Variants in RSRP1 observed in about 807,000 individuals in gnomAD.
RSRP1 encodes the protein arginine/serine-rich protein 1.
In RSRP1, 37 loss-of-function variants were observed where a neutral mutation model predicts 33.0. That is an observed-to-expected ratio of 1.12 (90% CI 0.86 to 1.48). The LOEUF (loss-of-function observed/expected upper bound fraction) is 1.48. Among genes scored for constraint, RSRP1 ranks in the 40% most tolerant of loss-of-function variants. RSRP1 has a pLI of 0.00. For synonymous variants in RSRP1, 167 were observed against 158.7 expected (o/e 1.05, Z -0.40); for missense variants, 402 against 385.3 (o/e 1.04, Z -0.36).
chr1:25,329,267 T>G, intron 1 of RSRP1: 1 of 477,712 alleles, frequency 2.1e-6, no homozygotes, highest in African/African-American at 2.3e-5. Context: ...TTTTTTGAGA[T>G]GTAGTCTTAC....
chr1:25,259,390 G>A (rs1232537266), intron 1 of RSRP1, among the ~76,000 whole-genome samples: 2 of 152,078 alleles, frequency 1.3e-5, no homozygotes, highest in Non-Finnish European at 2.9e-5. Flanking sequence ...ACTGTGCCCG[G>A]CCTTGTTTGC....
chr1:25,272,054 C>T (rs1264717336), intron 1 of RSRP1, among the ~76,000 whole-genome samples: 2 of 129,698 alleles, frequency 1.5e-5, no homozygotes, highest in East Asian at 3.9e-4. Context: ...TGCTTTCATT[C>T]ATTCTCATTC....
intron 1 of RSRP1, among the ~76,000 whole-genome samples, chr1:25,332,578 T>C (rs1174375827): frequency 7.6e-6 from 1 of 131,776 alleles, no homozygotes; most frequent in African/African-American, 2.6e-5. Flanking sequence ...GCGAACCATA[T>C]TACCTAATAA....
Position 25,293,364 on chromosome 1 carries a change from T to A in RSRP1, c.-67+44614A>T, listed in dbSNP as rs1184277111. Reference sequence around the variant, plus strand: ...GGACAGTTCATCTTTTTTTTTTTTTTATACAACATTTTATTTAAAAAAATT... The same window carrying A: ...GGACAGTTCATCTTTTTTTTTTTTTAATACAACATTTTATTTAAAAAAATT... On this transcript the variant is annotated intron_variant, in intron 1 of 1. Coordinates refer to the RSRP1 transcript ENST00000561867. 2.3e-5 allele frequency among the ~76,000 whole-genome samples: 3 copies of A among 130,148 alleles called. 1 individual carries two copies. The highest frequency in any genetic ancestry group is 5.2e-5 in the African/African-American group (2 of 38,252). 85.4% of individuals were successfully genotyped at this position (130,148 alleles called of 152,430 possible).
chr1:25,297,649 A>G (rs1379459295), intron 1 of RSRP1, among the ~76,000 whole-genome samples: 1 of 131,828 alleles, frequency 7.6e-6, no homozygotes, highest in Non-Finnish European at 1.8e-5. Flanking sequence ...GTACTTATTT[A>G]TATCACCATG....
chr1:25,330,052 G>A (rs1644967375), intron 1 of RSRP1: 1 of 132,728 alleles, frequency 7.5e-6, no homozygotes, highest in South Asian at 2.3e-4. Context: ...GAGACCAAGG[G>A]GAGAACCTGG....
intron 3 of RSRP1, chr1:25,243,937 AC>A: frequency 8.6e-7 from 1 of 1,167,658 alleles, no homozygotes; most frequent in Non-Finnish European, 1.1e-6. Context: ...ATCAGAAAAT[AC>A]GTTTTAAGAA....
chr1:25,246,101 G>T, intron 2 of RSRP1: 1 of 243,918 alleles, frequency 4.1e-6, no homozygotes, highest in East Asian at 8.3e-5. Flanking sequence ...CAGTAATAAT[G>T]TCAACTAAAA....
intron 1 of RSRP1, among the ~76,000 whole-genome samples, chr1:25,255,485 C>T (rs1188529184): frequency 6.6e-6 from 1 of 152,124 alleles, no homozygotes; most frequent in Non-Finnish European, 1.5e-5. Flanking sequence ...ATTTTTACAA[C>T]CAGTGAAATG....
intron 1 of RSRP1, among the ~76,000 whole-genome samples, chr1:25,331,033 T>C (rs1644995681): frequency 9.2e-6 from 1 of 108,884 alleles, no homozygotes; most frequent in African/African-American, 3.1e-5. Context: ...GCCCGATGGA[T>C]CTCGGCTCAC....
intron 1 of RSRP1, among the ~76,000 whole-genome samples, chr1:25,274,956 AAACAACAAAAAC>A (rs986562789): frequency 1.5e-5 from 2 of 132,098 alleles, no homozygotes; most frequent in African/African-American, 5.2e-5. Context: ...TCAAAAAACC[AAACAACAAAAAC>A]AACAACAAGA....
rs1464249954 is a variant in RSRP1 at position 25,246,439 on chromosome 1, C to A, written c.520+5G>T. On this transcript the variant is annotated splice_donor_5th_base_variant and intron_variant, in intron 2 of 4. Transcript: ENST00000243189. ...CACAAATGGAAAGGTAAATGACCCA[C>A]CCACCTTTTTCACTTAAGCGAAAGG... is the stretch of plus-strand genomic sequence containing the variant. 13 of 1,611,784 alleles carry A rather than the reference C, an allele frequency of 8.1e-6. No homozygotes were observed. The highest frequency in any genetic ancestry group is 1.7e-5 in the Admixed American group (1 of 59,966).
chr1:25,289,985 C>T (rs1642350623), intron 1 of RSRP1, among the ~76,000 whole-genome samples: 1 of 128,806 alleles, frequency 7.8e-6, no homozygotes, highest in African/African-American at 2.7e-5. Context: ...CTAGACACAC[C>T]GATAGGAAGA....
intron 1 of RSRP1, chr1:25,253,996 C>T (rs1310873501): frequency 6.6e-6 from 1 of 152,202 alleles, no homozygotes. Context: ...ATTTGTTGAT[C>T]TTAGATCAGA....
rs1355662717 is a variant in RSRP1 at position 25,293,999 on chromosome 1, C to A, written c.-67+43979G>T. On this transcript the variant is annotated intron_variant, in intron 1 of 1. Transcript: ENST00000561867. Reference sequence around the variant, plus strand: ...AACTTAGATATAATTCCTCTCAAACCTTTTCCTCAAAGATTAAATTCTGAA... The same window carrying A: ...AACTTAGATATAATTCCTCTCAAACATTTTCCTCAAAGATTAAATTCTGAA... 5.3e-5 allele frequency among the ~76,000 whole-genome samples: 7 copies of A among 131,938 alleles called. 1 individual carries two copies. Among genetic ancestry groups the A allele is most frequent in the African/African-American group, 1.8e-4 (7 of 38,194 alleles). The allele number at this position is 131,938 out of a possible 152,430, so 86.6% of individuals were successfully genotyped here. A position where few individuals can be genotyped will look rare whatever the true frequency, so the allele number is the denominator to read the frequency against.
In RSRP1 at chr1:25,329,740, G is replaced by A. The variant is rs181689405; in HGVS notation, c.-67+8238C>T. ...GCAATCTCGGCTCACTGCAACCTCC[G>A]CCTCCCAGGTTCAAGCAATTCTCCT... On this transcript the variant is annotated intron_variant, in intron 1 of 1. Transcript: ENST00000561867. 974 of 128,426 alleles carry A rather than the reference G, an allele frequency of 7.6e-3. 229 individuals carry two copies. The highest frequency in any genetic ancestry group is 0.013 in the Non-Finnish European group (723 of 54,378). 8.0% of individuals were successfully genotyped at this position (128,426 alleles called of 1,614,324 possible).
In RSRP1 at chr1:25,246,799, G is replaced by C. The variant is rs1317743732; in HGVS notation, c.165C>G (p.Ser55=). The change falls in exon 2 of 5, where the codon TCC becomes TCG. Residue 55 remains serine (S), a synonymous_variant. Coordinates refer to ENST00000243189, the MANE Select transcript of RSRP1 (RefSeq NM_020317.5). ...ACCTGGACTTGCTCCTCCGACTCCT[G>C]GACGAAAACCGGCTCGAGACGCGGG... ...SHSRVSSRFS[S]RSRRSKSRSR... The C allele has an allele frequency of 1.9e-6, 3 of 1,613,592 alleles. No individual in the cohort carries two copies. The highest frequency in any genetic ancestry group is 2.5e-6 in the Non-Finnish European group (3 of 1,179,770).
chr1:25,258,203 CAG>C lies in RSRP1; in HGVS notation c.-66-11176_-66-11175del, dbSNP rs568655059. Among the ~76,000 whole-genome samples, 118 of 152,000 alleles carry C rather than the reference CAG, an allele frequency of 7.8e-4. 1 individual carries two copies. Among genetic ancestry groups the C allele is most frequent in the Non-Finnish European group, 1.0e-3 (69 of 68,034 alleles). ...TCATTATTTATTTATTTATTTGAGA[CAG>C]AGTCTCGATCTGTTGCCCAAGCTGG... On this transcript the variant is annotated intron_variant, in intron 1 of 1. Transcript: ENST00000561867.
At chr1:25,279,738 C>G (rs1571584797) in intron 1 of RSRP1, among the ~76,000 whole-genome samples, 1 of 126,506 alleles carries the variant, frequency 7.9e-6, no homozygotes, top group South Asian at 2.4e-4. Context: ...GCTGAACTAC[C>G]AGGTTAGACT....
Sources: allele counts gnomAD v4.1 joint callset (sites outside exome capture counted in the v4.1 genomes callset), GRCh38; gene constraint gnomAD v4.1.1; transcripts MANE v1.5; gene names NCBI Gene and HGNC (gene_info 2026-07-23, HGNC 2026-07-21).